Variants in TTN observed in about 807,000 individuals in gnomAD.
TTN encodes the protein titin, also known as connectin.
TTN carries 1,525 observed loss-of-function variants against 3,223.0 expected under a neutral mutation model. The observed-to-expected ratio is 0.47, with a 90% confidence interval of 0.45 to 0.49. TTN has a LOEUF of 0.49. TTN is among the 20% of genes least tolerant of loss of function. The probability of loss-of-function intolerance (pLI) is 0.00; values close to 1 mark genes in which losing one functional copy is unlikely to be tolerated. For synonymous variants in TTN, 14,094 were observed against 15,161.0 expected, an observed-to-expected ratio of 0.93 and a Z score of 5.17; for missense variants, 40,786 against 43,424.0, an observed-to-expected ratio of 0.94 and a Z score of 5.40.
Position 178,595,477 on chromosome 2 carries a change from TTAAG to T in TTN, c.57847+26_57847+29del, listed in dbSNP as rs769349330. 3.9e-6 allele frequency: 6 copies of T among 1,533,400 alleles called. No homozygotes were observed. In the East Asian group the frequency reaches 1.5e-4, roughly 38 times the overall value. The allele number at this position is 1,533,400 out of a possible 1,614,324, so 95.0% of individuals were successfully genotyped here. On this transcript the variant is annotated intron_variant, in intron 295 of 362. Transcript: ENST00000589042. The stretch of plus-strand genomic sequence containing the variant: ...TTGTACTAAATGAGTAAAGAAGTGA[TTAAG>T]TATACATTTTTTTTTTTTTACTTAC...
intron 71 of TTN, 159 bp downstream of exon 71, chr2:178,725,207 AAG>A: frequency 1.3e-6 from 1 of 757,478 alleles, no homozygotes; most frequent in East Asian, 3.3e-5. Context: ...AGAAACAGAA[AAG>A]AGTGTTTGAA....
Position 178,607,898 on chromosome 2 carries a change from G to A in TTN, c.52889C>T (p.Thr17630Ile). 1 of 1,612,986 alleles carries A rather than the reference G, an allele frequency of 6.2e-7. No homozygotes were observed. The change falls in exon 276 of 363, where the codon ACC becomes ATC. Residue 17630 changes from threonine (T) to isoleucine (I), a missense_variant. Coordinates refer to ENST00000589042, the MANE Select transcript of TTN (RefSeq NM_001267550.2). ...AGCACCCTCTCGGATTTCTTTGACG[G>A]TGTACTGACGGACCTTGATCATCTT... Reference protein sequence around the residue: ...TEKMIKVRQYTVKEIREGADY... With the variant: ...TEKMIKVRQYIVKEIREGADY...
In TTN at chr2:178,566,387, T is replaced by G; in HGVS notation, c.79745A>C (p.Lys26582Thr). ...AGGTGCTTCAAGTTTATCTTCTGGT[T>G]TCACAGTACCAGGAACTGATGTAGC... The part of the protein sequence containing the change: ...GEATSVPGTV[K>T]PEDKLEAPEL... Residue 26582 changes from lysine (K) to threonine (T), a missense_variant, in exon 326 of 363, where the codon AAA (lysine) becomes ACA (threonine). Physicochemically the swap from Lys to Thr is moderately conservative, Grantham distance 78. Coordinates refer to ENST00000589042, the MANE Select transcript of TTN (RefSeq NM_001267550.2). 2 of 1,613,520 alleles carry G rather than the reference T, an allele frequency of 1.2e-6. No homozygotes were observed. The highest frequency in any genetic ancestry group is 1.7e-6 in the Non-Finnish European group (2 of 1,179,678).
intron 223 of TTN, among the ~76,000 whole-genome samples, chr2:178,638,613 T>C (rs1453680624): frequency 6.6e-6 from 1 of 151,720 alleles, no homozygotes; most frequent in East Asian, 1.9e-4. Flanking sequence ...TCAGTGGAGA[T>C]GATCATTTTT....
At position 178,786,057 on chromosome 2, in the gene TTN, C is replaced by T; in HGVS notation, c.2161G>A (p.Gly721Arg). ...TGAGCATAGGATTCTTCAAGATGCC[C>T]AGGCTCTCTGGGCTCTCTGACTCGG... Reference protein sequence around the residue: ...QARVREPREPGHLEESYAQQT... With the variant: ...QARVREPREPRHLEESYAQQT... The change falls in exon 14 of 363, where the codon GGG (glycine) becomes AGG (arginine). Residue 721 changes from glycine to arginine, a missense_variant. Coordinates refer to ENST00000589042, the MANE Select transcript of TTN (RefSeq NM_001267550.2). 1 of 1,614,084 alleles carries T rather than the reference C, an allele frequency of 6.2e-7. No individual in the cohort carries two copies. Among genetic ancestry groups the T allele is most frequent in the Non-Finnish European group, 8.5e-7 (1 of 1,180,006 alleles).
chr2:178,635,976 G>A lies in TTN; in HGVS notation c.41595C>T (p.Cys13865=), dbSNP rs1336274191. The part of the protein sequence containing the change: ...ENANNLECSS[C]VKVVEVIRDW... ...GAAAGTACTAACCTACTACTTTTAC[G>A]CAAGATGAACACTCCAGGTTGTTGG... Residue 13865 remains cysteine (C), a synonymous_variant, in exon 226 of 363, where the codon TGC becomes TGT. Coordinates refer to ENST00000589042, the MANE Select transcript of TTN (RefSeq NM_001267550.2). The A allele has an allele frequency of 2.5e-6, 4 of 1,596,388 alleles. No individual in the cohort carries two copies. The highest frequency in any genetic ancestry group is 2.2e-5 in the East Asian group (1 of 44,508).
In TTN at chr2:178,559,732, A is replaced by G. The variant is rs558696435; in HGVS notation, c.86400T>C (p.Tyr28800=). 10 of 1,600,408 alleles carry G rather than the reference A, an allele frequency of 6.2e-6. No individual in the cohort carries two copies. The highest frequency in any genetic ancestry group is 1.3e-5 in the African/African-American group (1 of 74,744). The change falls in exon 326 of 363, where the codon TAT becomes TAC. Residue 28800 remains tyrosine, a synonymous_variant. Transcript: ENST00000589042. ...KPDTDLRTRA[Y]VDTTDSRTSL... ...ATGTACGAGAGTCTGTGGTATCAAC[A>G]TAAGCTCTAGTACGGAGGTCAGTGT...
At chr2:178,783,366 T>C (rs963053135) in intron 17 of TTN, among the ~76,000 whole-genome samples, 13 of 152,234 alleles carry the variant, frequency 8.5e-5, no homozygotes, top group Admixed American at 5.2e-4. Flanking sequence ...TTTATCACCT[T>C]ATATATTTTA....
In TTN at chr2:178,618,242, C is replaced by T. The variant is rs2154209429; in HGVS notation, c.47216G>A (p.Gly15739Asp). ...GTCAGTTTCTACTGGCTCACCAGTG[C>T]CAACTCTGTTTCTTGCACTCACACG... ...LFRVSARNRVGTGEPVETDNP... is the reference protein window; with the variant it reads ...LFRVSARNRVDTGEPVETDNP... The change falls in exon 252 of 363, where the codon GGC becomes GAC. Residue 15739 changes from glycine to aspartate, a missense_variant. By Grantham distance (94) the Gly-to-Asp change is moderately conservative (BLOSUM62 -1). Coordinates refer to ENST00000589042, the MANE Select transcript of TTN (RefSeq NM_001267550.2). 1.2e-6 allele frequency: 2 copies of T among 1,612,834 alleles called. No individual in the cohort carries two copies. The highest frequency in any genetic ancestry group is 1.7e-6 in the Non-Finnish European group (2 of 1,179,182).
chr2:178,578,761 C>T (rs373192531), intron 320 of TTN, 45 bp downstream of exon 320: 58 of 1,604,592 alleles, frequency 3.6e-5, no homozygotes, highest in Non-Finnish European at 4.2e-5. Context: ...GAAGCCTCCT[C>T]AAAACCGTGT....
chr2:178,800,793 A>T, intron 3 of TTN, 111 bp from the exon 4 acceptor site: 1 of 1,268,548 alleles, frequency 7.9e-7, no homozygotes, highest in South Asian at 1.6e-5. Flanking sequence ...TCGCCAATCT[A>T]AACATCCTTG....
Position 178,617,110 on chromosome 2 carries a change from A to G in TTN, c.47875+10T>C. ...CTATTCCCCGATCTAAAAATAAAAT[A>G]TCTATTTACCAAATGCATCGTCAGC... On this transcript the variant is annotated intron_variant, in intron 255 of 362. Transcript: ENST00000589042. 1.2e-6 allele frequency: 2 copies of G among 1,610,470 alleles called. No homozygotes were observed. Among genetic ancestry groups the G allele is most frequent in the Non-Finnish European group, 1.7e-6 (2 of 1,178,288 alleles).
At chr2:178,673,785 A>T in intron 151 of TTN, 75 bp from the exon 152 acceptor site, 1 of 1,012,154 alleles carries the variant, frequency 9.9e-7, no homozygotes, top group Non-Finnish European at 1.5e-6. Context: ...CCAATAAATA[A>T]ATATCACAAA....
Position 178,732,314 on chromosome 2 carries a change from G to A in TTN, c.16655C>T (p.Ser5552Leu). The A allele has an allele frequency of 6.2e-7, 1 of 1,610,690 alleles. No homozygotes were observed. Among genetic ancestry groups the A allele is most frequent in the Non-Finnish European group, 8.5e-7 (1 of 1,177,948 alleles). The part of the protein sequence containing the change: ...PATFVEKLEP[S>L]QLLKKGDATQ... ...GGCATCTCCCTTCTTTAACAGCTGT[G>A]ATGGCTCTAACTTTTCAACAAATGT... is the stretch of plus-strand genomic sequence containing the variant. Residue 5552 changes from serine to leucine, a missense_variant, in exon 57 of 363, where the codon TCA (serine) becomes TTA (leucine). Physicochemically the swap from Ser to Leu is moderately radical, Grantham distance 145. Coordinates refer to ENST00000589042, the MANE Select transcript of TTN (RefSeq NM_001267550.2).
In TTN at chr2:178,722,140, G is replaced by A; in HGVS notation, c.22529-6C>T. 1 of 1,545,630 alleles carries A rather than the reference G, an allele frequency of 6.5e-7. No individual in the cohort carries two copies. Among genetic ancestry groups the A allele is most frequent in the Non-Finnish European group, 8.7e-7 (1 of 1,149,616 alleles). On this transcript the variant is annotated splice_polypyrimidine_tract_variant and splice_region_variant and intron_variant, in intron 77 of 362. Coordinates refer to ENST00000589042, the MANE Select transcript of TTN (RefSeq NM_001267550.2). ...GAAGGGAGATTTCTTGGGTTCTGGA[G>A]GATGAGAAGAAAGGCAATGTGTATT...
Position 178,539,528 on chromosome 2 carries a change from A to G in TTN, c.98537T>C (p.Ile32846Thr), listed in dbSNP as rs762000616. ...AGATGTACCTCGGACTCTGGAATCAATGGTATACCAGGCGGCTTTAGGCAC... is the reference window on the plus strand; with the variant it reads ...AGATGTACCTCGGACTCTGGAATCAGTGGTATACCAGGCGGCTTTAGGCAC... The part of the protein sequence containing the change: ...REVPKAAWYT[I>T]DSRVRGTSLV... The change falls in exon 352 of 363, where the codon ATT becomes ACT. Residue 32846 changes from isoleucine to threonine, a missense_variant. By Grantham distance (89) the Ile-to-Thr change is moderately conservative (BLOSUM62 -1). Coordinates refer to ENST00000589042, the MANE Select transcript of TTN (RefSeq NM_001267550.2). The G allele has an allele frequency of 2.5e-6, 4 of 1,613,658 alleles. No individual in the cohort carries two copies. Among genetic ancestry groups the G allele is most frequent in the Admixed American group, 3.3e-5 (2 of 59,982 alleles).
rs2059898049 is a variant in TTN at position 178,632,260 on chromosome 2, T to A, written c.43634A>T (p.Gln14545Leu). 4 of 1,609,488 alleles carry A rather than the reference T, an allele frequency of 2.5e-6. No individual in the cohort carries two copies. The South Asian group carries it at 4.4e-5, about 18-fold the overall frequency. Residue 14545 changes from glutamine (Q) to leucine (L), a missense_variant, in exon 236 of 363, where the codon CAA becomes CTA. Coordinates refer to ENST00000589042, the MANE Select transcript of TTN (RefSeq NM_001267550.2). ...GATCGAATGAGTTTTCCCTTCGTCTTGCATTGAGACCGACCTGGTGGTGTG... is the reference window on the plus strand; with the variant it reads ...GATCGAATGAGTTTTCCCTTCGTCTAGCATTGAGACCGACCTGGTGGTGTG... ...RLHTTRSVSM[Q>L]DEGKTHSITF...
Position 178,735,859 on chromosome 2 carries a change from C to T in TTN, c.14587G>A (p.Gly4863Arg). ...ELSNLTIQDRGVYSCKASNKF... is the reference protein window; with the variant it reads ...ELSNLTIQDRRVYSCKASNKF... ...TTGGAAGCCTTACAAGAATAAACTC[C>T]TCTATCTTGAATGGTAAGGTTTGAG... Residue 4863 changes from glycine to arginine, a missense_variant, in exon 50 of 363, where the codon GGA (glycine) becomes AGA (arginine). Physicochemically the swap from Gly to Arg is moderately radical, Grantham distance 125. Coordinates refer to ENST00000589042, the MANE Select transcript of TTN (RefSeq NM_001267550.2). The T allele has an allele frequency of 1.9e-6, 3 of 1,613,820 alleles. No individual in the cohort carries two copies. Among genetic ancestry groups the T allele is most frequent in the African/African-American group, 1.3e-5 (1 of 75,032 alleles).
chr2:178,537,442 G>T lies in TTN; in HGVS notation c.99765C>A (p.Val33255=). The change falls in exon 355 of 363, where the codon GTC becomes GTA. Residue 33255 remains valine (V), a synonymous_variant. Coordinates refer to ENST00000589042, the MANE Select transcript of TTN (RefSeq NM_001267550.2). ...GAGTCTTACGTTGGACATTCTTCATGACAAGATGAGTATAGTGCTCAGTGT... is the reference window on the plus strand; with the variant it reads ...GAGTCTTACGTTGGACATTCTTCATTACAAGATGAGTATAGTGCTCAGTGT... ...IENTEHYTHL[V]MKNVQRKTHA... 6.2e-7 allele frequency: 1 copy of T among 1,613,024 alleles called. No homozygotes were observed. Among genetic ancestry groups the T allele is most frequent in the African/African-American group, 1.3e-5 (1 of 74,994 alleles).
Sources: gnomAD v4.1 joint callset for allele counts (sites outside exome capture counted in the v4.1 genomes callset) on GRCh38, gnomAD v4.1.1 for gene constraint, MANE v1.5 for transcripts, NCBI Gene and HGNC (gene_info 2026-07-23, HGNC 2026-07-21) for gene names.